DST: variants seen among roughly 807,000 people sequenced by gnomAD.
The protein encoded by DST is dystonin, also known as bullous pemphigoid antigen.
A neutral mutation model predicts 875.2 loss-of-function variants in DST; 253 were observed. That is an observed-to-expected ratio of 0.29 (90% CI 0.26 to 0.32). The LOEUF is 0.32. Ranked by LOEUF, DST falls within the 10% of genes least tolerant of loss-of-function variation. The pLI is 1.00. For synonymous variants in DST, 3,124 were observed against 3,197.1 expected (o/e 0.98, Z 0.77); for missense variants, 8,287 against 9,111.6 (o/e 0.91, Z 3.68).
chr6:56,831,320 A>G (rs1475086180), intron 4 of DST, among the ~76,000 whole-genome samples: 1 of 152,222 alleles, frequency 6.6e-6, no homozygotes, highest in Non-Finnish European at 1.5e-5. Context: ...AGCAAAATCT[A>G]TCTTGTTTAT....
chr6:56,564,727 T>C (rs1283768057), intron 55 of DST, among the ~76,000 whole-genome samples: 1 of 152,202 alleles, frequency 6.6e-6, no homozygotes, highest in Non-Finnish European at 1.5e-5. Flanking sequence ...ATAACTCTTA[T>C]TGTTTTGAGA....
At position 56,532,335 on chromosome 6, in the gene DST, A is replaced by G. The variant is rs1190429612; in HGVS notation, c.17108+9T>C. ...ACTCTTTCAAAAGAACTGGAAGTATATAAGTTACCTTGTTTCAGCTTTATT... is the reference window on the plus strand; with the variant it reads ...ACTCTTTCAAAAGAACTGGAAGTATGTAAGTTACCTTGTTTCAGCTTTATT... On this transcript the variant is annotated intron_variant, in intron 64 of 103. Transcript: ENST00000680361. 1.2e-5 allele frequency: 20 copies of G among 1,612,786 alleles called. No individual in the cohort carries two copies. Among genetic ancestry groups the G allele is most frequent in the African/African-American group, 2.7e-5 (2 of 74,916 alleles).
chr6:56,797,091 G>T (rs942151634), intron 4 of DST, among the ~76,000 whole-genome samples: 1 of 151,968 alleles, frequency 6.6e-6, no homozygotes, highest in Admixed American at 6.6e-5. Flanking sequence ...TTATATTTTG[G>T]TAATTCTCAC....
chr6:56,607,306 T>C lies in DST; in HGVS notation c.7322A>G (p.His2441Arg), dbSNP rs1462713101. The C allele has an allele frequency of 1.2e-6, 2 of 1,613,536 alleles. No homozygotes were observed. The highest frequency in any genetic ancestry group is 2.2e-5 in the East Asian group (1 of 44,858). ...YSPRLSALLS[H>R]DKLMHSQGSF... Reference sequence around the variant, plus strand: ...TCCCTGACTGTGCATCAATTTATCATGACTTAACAAGGCACTTAGCCTGGG... The same window carrying C: ...TCCCTGACTGTGCATCAATTTATCACGACTTAACAAGGCACTTAGCCTGGG... The change falls in exon 40 of 104, where the codon CAT (histidine) becomes CGT (arginine). Residue 2441 changes from histidine (H) to arginine (R), a missense_variant. Transcript: ENST00000680361.
chr6:56,597,397 G>A (rs965957626), intron 47 of DST, among the ~76,000 whole-genome samples: 1 of 152,106 alleles, frequency 6.6e-6, no homozygotes, highest in Non-Finnish European at 1.5e-5. Context: ...TCTGTAAGAT[G>A]AAAATAAAAA....
At chr6:56,906,000 T>G (rs1000319173) in intron 2 of DST, among the ~76,000 whole-genome samples, 10 of 152,174 alleles carry the variant, frequency 6.6e-5, no homozygotes, top group Non-Finnish European at 1.5e-4. Context: ...TTAGATTGTT[T>G]CCATATCTTG....
Position 56,721,339 on chromosome 6 carries a change from C to T in DST, c.687+13889G>A, listed in dbSNP as rs1176677055. On this transcript the variant is annotated intron_variant, in intron 5 of 103. Coordinates refer to ENST00000680361, the MANE Select transcript of DST (RefSeq NM_001374736.1). ...TATCACAGGGTCCTGAGGCAACATA[C>T]ATCCTCCTCAGCTGACAGGATTAAG... Among the ~76,000 whole-genome samples, 6 of 152,386 alleles carry T rather than the reference C, an allele frequency of 3.9e-5. 1 individual carries two copies. The highest frequency in any genetic ancestry group is 1.4e-4 in the African/African-American group (6 of 41,596).
In DST at chr6:56,470,188, G is replaced by A; in HGVS notation, c.22416C>T (p.Ala7472=). The change falls in exon 96 of 104, where the codon GCC becomes GCT. Residue 7472 remains alanine (A), a synonymous_variant. Coordinates refer to ENST00000680361, the MANE Select transcript of DST (RefSeq NM_001374736.1). Reference sequence around the variant, plus strand: ...TATATGCATCTTTATTTGGGTGAAGGGCTGCTACAAATTCATAGTAGTCAA... The same window carrying A: ...TATATGCATCTTTATTTGGGTGAAGAGCTGCTACAAATTCATAGTAGTCAA... ...GYIDYYEFVA[A]LHPNKDAYKP... is the part of the protein sequence containing the mutation. The A allele has an allele frequency of 1.2e-6, 2 of 1,612,358 alleles. No individual in the cohort carries two copies. Among genetic ancestry groups the A allele is most frequent in the Non-Finnish European group, 1.7e-6 (2 of 1,179,110 alleles).
At chr6:56,569,422 A>T (rs1021804708) in intron 54 of DST, among the ~76,000 whole-genome samples, 2 of 152,098 alleles carry the variant, frequency 1.3e-5, no homozygotes, top group Non-Finnish European at 2.9e-5. Context: ...TTGAGTCAGA[A>T]GACAAAAGAC....
At chr6:56,487,545 T>A (rs1326717264) in intron 86 of DST, among the ~76,000 whole-genome samples, 1 of 152,214 alleles carries the variant, frequency 6.6e-6, no homozygotes, top group Admixed American at 6.5e-5. Context: ...TCTTGTCCTA[T>A]TGTAAGCTAA....
Position 56,620,078 on chromosome 6 carries a change from G to T in DST, c.4929+4452C>A, listed in dbSNP as rs142302277. 155 of 1,613,516 alleles carry T rather than the reference G, an allele frequency of 9.6e-5. No individual in the cohort carries two copies. The East Asian group carries it at 3.2e-3, about 33-fold the overall frequency. On this transcript the variant is annotated intron_variant, in intron 36 of 103. Coordinates refer to ENST00000680361, the MANE Select transcript of DST (RefSeq NM_001374736.1). The stretch of plus-strand genomic sequence containing the variant: ...CTGAATTTCAGTTATTTTTCTTCTT[G>T]CTTCCAATTCAATTTTCTGCTTTTC...
chr6:56,650,250 A>T (rs2098967204), intron 12 of DST, among the ~76,000 whole-genome samples: 1 of 149,368 alleles, frequency 6.7e-6, no homozygotes, highest in Non-Finnish European at 1.5e-5. Context: ...GAAGGGGATC[A>T]TCCCCAAATA....
At chr6:56,460,322 C>G in intron 102 of DST, 68 bp from the exon 103 acceptor site, 1 of 1,563,974 alleles carries the variant, frequency 6.4e-7, no homozygotes, top group South Asian at 1.1e-5. Flanking sequence ...ACTGACACCA[C>G]TTCTTTACAT....
Position 56,494,096 on chromosome 6 carries a change from T to C in DST, c.20308A>G (p.Lys6770Glu). 6.2e-7 allele frequency: 1 copy of C among 1,611,978 alleles called. No homozygotes were observed. Among genetic ancestry groups the C allele is most frequent in the Non-Finnish European group, 8.5e-7 (1 of 1,178,638 alleles). The part of the protein sequence containing the change: ...KGQQMLARCP[K>E]SAETNIDQDI... ...TGGTCAATATTTGTCTCTGCAGATTTTGGGCATCTTGCAAGCATCTGCTGG... is the reference window on the plus strand; with the variant it reads ...TGGTCAATATTTGTCTCTGCAGATTCTGGGCATCTTGCAAGCATCTGCTGG... The change falls in exon 83 of 104, where the codon AAA becomes GAA. Residue 6770 changes from lysine to glutamate, a missense_variant. Physicochemically the swap from Lys to Glu is moderately conservative, Grantham distance 56 (BLOSUM62 1). Around this residue, in one of 10 missense-constraint regions of DST, gnomAD observed 1,292 missense variants for 1,552.7 expected, o/e 0.83. Transcript: ENST00000680361.
At chr6:56,857,434 G>A (rs890312771) in intron 3 of DST, among the ~76,000 whole-genome samples, 6 of 152,112 alleles carry the variant, frequency 3.9e-5, no homozygotes, top group African/African-American at 1.2e-4. Flanking sequence ...GAAATTTCTC[G>A]TACCATTTCT....
chr6:56,842,125 G>A (rs1328463514), intron 4 of DST, among the ~76,000 whole-genome samples: 2 of 151,944 alleles, frequency 1.3e-5, no homozygotes. Context: ...AAAACTACAT[G>A]CATCATTAAC....
intron 61 of DST, among the ~76,000 whole-genome samples, chr6:56,545,352 T>G (rs1004356446): frequency 4.6e-5 from 7 of 151,744 alleles, no homozygotes; most frequent in African/African-American, 1.7e-4. Flanking sequence ...TACGTAAAGT[T>G]TTCCTGAAAA....
chr6:56,469,097 C>T, intron 97 of DST, 98 bp from the exon 98 acceptor site: 1 of 921,052 alleles, frequency 1.1e-6, no homozygotes, highest in Non-Finnish European at 1.6e-6. Flanking sequence ...CTCTGTGCTT[C>T]TGGATGTAGT....
intron 3 of DST, among the ~76,000 whole-genome samples, chr6:56,878,296 C>A (rs1780434598): frequency 6.6e-6 from 1 of 152,052 alleles, no homozygotes; most frequent in Non-Finnish European, 1.5e-5. Context: ...CAAGGAGACA[C>A]CTTGAAGGGT....
Sources: gnomAD v4.1 joint callset for allele counts (sites outside exome capture counted in the v4.1 genomes callset) on GRCh38, gnomAD v4.1.1 for gene constraint, gnomAD v4.1.1 regional missense constraint, MANE v1.5 for transcripts, NCBI Gene and HGNC (gene_info 2026-07-23, HGNC 2026-07-21) for gene names.